The following RCBTB1 variants were observed in gnomAD, a reference collection of about 807,000 sequenced individuals.
RCBTB1 encodes the protein RCC1 and BTB domain-containing protein 1.
A neutral mutation model predicts 62.4 loss-of-function variants in RCBTB1; 46 were observed. The observed-to-expected ratio is 0.74, with a 90% CI of 0.58 to 0.94. The LOEUF (loss-of-function observed/expected upper bound fraction) is 0.94, where lower values mean the gene tolerates loss of function less well. Ranked by LOEUF, RCBTB1 falls within the 40% of genes least tolerant of loss-of-function variation. The probability of loss-of-function intolerance (pLI) is 0.00; values close to 1 mark genes in which losing one functional copy is unlikely to be tolerated. For synonymous variants in RCBTB1, 222 were observed against 245.8 expected, an observed-to-expected ratio of 0.90 and a Z score of 0.91; for missense variants, 565 against 654.9, an observed-to-expected ratio of 0.86 and a Z score of 1.50.
rs749983080 is a variant in RCBTB1 at position 49,559,913 on chromosome 13, C to T, written c.444+5G>A. On this transcript the variant is annotated splice_donor_5th_base_variant and intron_variant, in intron 5 of 12. Transcript: ENST00000378302. ...AAGAATAAAGAATAAAAGCAGCATA[C>T]TTACCTCTCCATCAGCTGCCAGAGC... is the stretch of plus-strand genomic sequence containing the variant. 6.2e-7 allele frequency: 1 copy of T among 1,609,038 alleles called. No individual in the cohort carries two copies. Among genetic ancestry groups the T allele is most frequent in the South Asian group, 1.1e-5 (1 of 89,716 alleles).
intron 2 of RCBTB1, among the ~76,000 whole-genome samples, chr13:49,568,110 C>T (rs916769134): frequency 6.6e-6 from 1 of 152,190 alleles, no homozygotes; most frequent in Non-Finnish European, 1.5e-5. Flanking sequence ...CATGGAAGCA[C>T]TACATGTATG....
At chr13:49,547,515 T>C (rs2139159742) in intron 9 of RCBTB1, among the ~76,000 whole-genome samples, 1 of 152,196 alleles carries the variant, frequency 6.6e-6, no homozygotes, top group Non-Finnish European at 1.5e-5. Flanking sequence ...AAGGCAAACA[T>C]AAACAAGAAA....
intron 12 of RCBTB1, among the ~76,000 whole-genome samples, chr13:49,534,803 G>A (rs571636970): frequency 1.3e-5 from 2 of 152,284 alleles, no homozygotes; most frequent in Admixed American, 6.5e-5. Context: ...GGAGGCCGAG[G>A]CGGGCGGATC....
At chr13:49,582,942 C>T (rs1330641856) in intron 1 of RCBTB1, among the ~76,000 whole-genome samples, 1 of 152,032 alleles carries the variant, frequency 6.6e-6, no homozygotes, top group Non-Finnish European at 1.5e-5. Context: ...TTTGGGAGGC[C>T]AAGGCGGGAG....
Position 49,566,974 on chromosome 13 carries a change from G to GACTC in RCBTB1, c.126+179_126+180insGAGT, listed in dbSNP as rs56131732. 9.3e-3 allele frequency among the ~76,000 whole-genome samples: 1,414 copies of GACTC among 152,286 alleles called. 9 individuals are homozygous for GACTC. The highest frequency in any genetic ancestry group is 0.015 in the Non-Finnish European group (1,001 of 68,018). ...TATATTATGAAACTCAGAGTGCTATGGAGTAGACGGGTATTAAATCAAGAA... is the reference window on the plus strand; with the variant it reads ...TATATTATGAAACTCAGAGTGCTATGACTCGAGTAGACGGGTATTAAATCAAGAA... On this transcript the variant is annotated intron_variant, in intron 3 of 12. Coordinates refer to ENST00000378302, the MANE Select transcript of RCBTB1 (RefSeq NM_018191.4).
chr13:49,542,163 G>A (rs531790415), intron 10 of RCBTB1, among the ~76,000 whole-genome samples: 5 of 150,898 alleles, frequency 3.3e-5, no homozygotes, highest in South Asian at 2.1e-4. Context: ...GTGGCGAGCC[G>A]AGATTGCGCT....
chr13:49,555,463 C>G, intron 6 of RCBTB1, 52 bp downstream of exon 6: 1 of 1,408,996 alleles, frequency 7.1e-7, no homozygotes, highest in Non-Finnish European at 1.0e-6. Flanking sequence ...AAGAAACTGA[C>G]GTGTAATTGA....
At chr13:49,571,525 T>C (rs1428073957) in intron 2 of RCBTB1, among the ~76,000 whole-genome samples, 1 of 152,144 alleles carries the variant, frequency 6.6e-6, no homozygotes, top group African/African-American at 2.4e-5. Context: ...ACATACAAGG[T>C]GCATCCTTGG....
intron 12 of RCBTB1, among the ~76,000 whole-genome samples, chr13:49,540,075 G>A (rs1960229861): frequency 2.0e-5 from 3 of 152,192 alleles, no homozygotes. Context: ...CAAGGCTATT[G>A]CTCTCTACCT....
chr13:49,578,790 TAGA>T (rs1311720530), intron 2 of RCBTB1, among the ~76,000 whole-genome samples: 2 of 152,234 alleles, frequency 1.3e-5, no homozygotes, highest in Non-Finnish European at 2.9e-5. Flanking sequence ...TCCAGTTTCC[TAGA>T]AGAACAAAGT....
chr13:49,573,787 C>CTT lies in RCBTB1; in HGVS notation c.-41-6469_-41-6468dup, dbSNP rs563725059. Among the ~76,000 whole-genome samples, 528 of 125,646 alleles carry CTT rather than the reference C, an allele frequency of 4.2e-3. 5 individuals carry two copies. Among genetic ancestry groups the CTT allele is most frequent in the African/African-American group, 0.013 (445 of 35,102 alleles). The allele number at this position is 125,646 out of a possible 152,430, so 82.4% of individuals were successfully genotyped here. A position where few individuals can be genotyped will look rare whatever the true frequency, so the allele number is the denominator to read the frequency against. Reference sequence around the variant, plus strand: ...TTAAAATATAGTCCCAAATTTCTCTCTTTTTTTTTTTTTTGAGACAGAGCC... The same window carrying CTT: ...TTAAAATATAGTCCCAAATTTCTCTCTTTTTTTTTTTTTTTTGAGACAGAGCC... On this transcript the variant is annotated intron_variant, in intron 2 of 12. Coordinates refer to ENST00000378302, the MANE Select transcript of RCBTB1 (RefSeq NM_018191.4).
chr13:49,575,504 C>T (rs1008266966), intron 2 of RCBTB1, among the ~76,000 whole-genome samples: 8 of 150,540 alleles, frequency 5.3e-5, no homozygotes, highest in African/African-American at 2.0e-4. Flanking sequence ...TGGAATCAAC[C>T]TAGGTGCCCG....
At chr13:49,550,329 A>G (rs976980167) in intron 8 of RCBTB1, 1 of 430,120 alleles carries the variant, frequency 2.3e-6, no homozygotes, top group Non-Finnish European at 3.1e-6. Flanking sequence ...AGAGCTCAGA[A>G]CACTCATTGG....
intron 4 of RCBTB1, among the ~76,000 whole-genome samples, chr13:49,562,384 T>C (rs775441887): frequency 6.6e-6 from 1 of 151,812 alleles, no homozygotes; most frequent in African/African-American, 2.4e-5. Flanking sequence ...CCCAGCACTT[T>C]TGGAAGCTGA....
Position 49,560,025 on chromosome 13 carries a change from T to C in RCBTB1, c.337A>G (p.Asn113Asp), listed in dbSNP as rs1487159983. 1 of 1,614,222 alleles carries C rather than the reference T, an allele frequency of 6.2e-7. No homozygotes were observed. Among genetic ancestry groups the C allele is most frequent in the South Asian group, 1.1e-5 (1 of 91,086 alleles). Reference protein sequence around the residue: ...GYSQLGNGTTNQGIAPVQVCT... With the variant: ...GYSQLGNGTTDQGIAPVQVCT... ...ACCTGGACGGGAGCAATGCCTTGGT[T>C]GGTCGTCCCATTCCCAAGCTGGCTA... Residue 113 changes from asparagine (N) to aspartate (D), a missense_variant, in exon 5 of 13, where the codon AAC (asparagine) becomes GAC (aspartate). Transcript: ENST00000378302.
At chr13:49,576,747 A>G (rs1373230936) in intron 2 of RCBTB1, among the ~76,000 whole-genome samples, 4 of 152,132 alleles carry the variant, frequency 2.6e-5, no homozygotes, top group Admixed American at 1.3e-4. Flanking sequence ...CAAGCCTTCC[A>G]TGTTTTATTT....
chr13:49,564,357 T>C (rs934783552), intron 4 of RCBTB1, among the ~76,000 whole-genome samples: 15 of 151,904 alleles, frequency 9.9e-5, no homozygotes, highest in Admixed American at 2.6e-4. Context: ...GAAGCCAAGG[T>C]GGGCGGATCA....
At chr13:49,568,854 G>A (rs9562901) in intron 2 of RCBTB1, among the ~76,000 whole-genome samples, 33,687 of 152,048 alleles carry the variant, frequency 0.22, 4,611 homozygotes, top group East Asian at 0.55. Flanking sequence ...ACTTGAACCC[G>A]GGAGGCGGAG....
At chr13:49,542,687 G>T (rs1010844892) in intron 10 of RCBTB1, among the ~76,000 whole-genome samples, 2 of 149,330 alleles carry the variant, frequency 1.3e-5, no homozygotes, top group African/African-American at 2.5e-5. Context: ...CTGACTTATC[G>T]TCAAAACAGC....
Sources: gnomAD v4.1 joint callset for allele counts (sites outside exome capture counted in the v4.1 genomes callset) on GRCh38, gnomAD v4.1.1 for gene constraint, MANE v1.5 for transcripts, NCBI Gene and HGNC (gene_info 2026-07-23, HGNC 2026-07-21) for gene names.